The following COX10 variants were observed in gnomAD, a reference collection of about 807,000 sequenced individuals.
COX10 encodes cytochrome c oxidase assembly factor heme A:farnesyltransferase COX10.
COX10 carries 27 observed loss-of-function variants against 37.3 expected under a neutral mutation model. The observed-to-expected ratio is 0.72, with a 90% CI of 0.53 to 1.00. The LOEUF (loss-of-function observed/expected upper bound fraction) is 1.00. Ranked by LOEUF, COX10 falls within the 50% of genes least tolerant of loss-of-function variation. The pLI is 0.00. For synonymous variants in COX10, 222 were observed against 229.1 expected, an observed-to-expected ratio of 0.97 and a Z score of 0.28; for missense variants, 475 against 563.2, an observed-to-expected ratio of 0.84 and a Z score of 1.59.
chr17:14,174,304 T>C (rs1233542695), intron 5 of COX10, among the ~76,000 whole-genome samples: 3 of 151,740 alleles, frequency 2.0e-5, no homozygotes, highest in Non-Finnish European at 1.5e-5. Context: ...TACAAAATTT[T>C]TTTAAAAAAT....
In COX10 at chr17:14,102,200, T is replaced by G. The variant is rs751425716; in HGVS notation, c.582T>G (p.Val194=). Residue 194 remains valine (V), a synonymous_variant, in exon 4 of 7, where the codon GTT becomes GTG. Transcript: ENST00000261643. ...FDWPCFLLTS[V]GTGLASCAAN... Reference sequence around the variant, plus strand: ...GGCCCTGTTTCCTGCTTACTTCTGTTGGGACAGGCCTTGCATCCTGTGCTG... The same window carrying G: ...GGCCCTGTTTCCTGCTTACTTCTGTGGGGACAGGCCTTGCATCCTGTGCTG... The G allele has an allele frequency of 1.2e-6, 2 of 1,613,788 alleles. No individual in the cohort carries two copies. The highest frequency in any genetic ancestry group is 2.2e-5 in the South Asian group (2 of 91,080).
intron 3 of COX10, among the ~76,000 whole-genome samples, chr17:14,081,266 ATAG>A (rs1418147351): frequency 1.8e-4 from 27 of 152,334 alleles, no homozygotes; most frequent in African/African-American, 6.5e-4. Flanking sequence ...TGGCAGACAA[ATAG>A]TGGTGGTCAA....
At chr17:14,136,953 AT>A (rs1001803487) in intron 4 of COX10, among the ~76,000 whole-genome samples, 4 of 151,896 alleles carry the variant, frequency 2.6e-5, no homozygotes, top group African/African-American at 7.3e-5. Flanking sequence ...TGTCCTAACA[AT>A]TTTTTTGTGT....
intron 4 of COX10, among the ~76,000 whole-genome samples, chr17:14,143,262 T>C (rs1212973926): frequency 6.6e-6 from 1 of 152,234 alleles, no homozygotes; most frequent in East Asian, 1.9e-4. Context: ...TATTTATTAT[T>C]ATTTTAATAG....
intron 3 of COX10, among the ~76,000 whole-genome samples, chr17:14,085,628 A>T (rs897187651): frequency 6.6e-6 from 1 of 152,070 alleles, no homozygotes; most frequent in African/African-American, 2.4e-5. Flanking sequence ...ACCATAATTT[A>T]TTTATTTCTC....
intron 3 of COX10, among the ~76,000 whole-genome samples, chr17:14,082,123 T>C (rs1915309306): frequency 6.6e-6 from 1 of 152,198 alleles, no homozygotes; most frequent in Non-Finnish European, 1.5e-5. Context: ...GATCAGTGTG[T>C]ACAGTGACCA....
intron 4 of COX10, among the ~76,000 whole-genome samples, chr17:14,125,503 A>G (rs1916323487): frequency 6.6e-6 from 1 of 152,208 alleles, no homozygotes; most frequent in Non-Finnish European, 1.5e-5. Flanking sequence ...ATTCAGAGCC[A>G]GACGATGAAA....
chr17:14,163,739 G>T (rs1905218378), intron 5 of COX10, among the ~76,000 whole-genome samples: 1 of 152,186 alleles, frequency 6.6e-6, no homozygotes, highest in African/African-American at 2.4e-5. Context: ...GATTGTGAAA[G>T]TCGGCCTGCT....
intron 5 of COX10, among the ~76,000 whole-genome samples, chr17:14,176,160 C>T (rs1397423989): frequency 6.6e-6 from 1 of 151,858 alleles, no homozygotes; most frequent in Admixed American, 6.6e-5. Flanking sequence ...TGCTGTTACT[C>T]AGCTCAAAAT....
intron 4 of COX10, among the ~76,000 whole-genome samples, chr17:14,117,984 C>G (rs1332823511): frequency 1.3e-5 from 2 of 152,026 alleles, no homozygotes; most frequent in African/African-American, 4.8e-5. Flanking sequence ...GTCAGGCCGC[C>G]CACCTAGCTG....
At chr17:14,110,055 A>C (rs1915978235) in intron 4 of COX10, among the ~76,000 whole-genome samples, 1 of 152,128 alleles carries the variant, frequency 6.6e-6, no homozygotes, top group African/African-American at 2.4e-5. Flanking sequence ...TGAATTTATA[A>C]CTTAGCTTTA....
chr17:14,070,923 G>A lies in COX10; in HGVS notation c.43+1275G>A, dbSNP rs752862632. On this transcript the variant is annotated intron_variant, in intron 1 of 6. Transcript: ENST00000261643. ...TGGAGAGGTAGAATAGATTGGCTAG[G>A]GTCTGGTAATTGTTGAAGCTTGGGG... Among the ~76,000 whole-genome samples the A allele has an allele frequency of 3.9e-5, 6 of 152,282 alleles. No individual in the cohort carries two copies. The South Asian group carries it at 1.2e-3, about 32-fold the overall frequency.
At chr17:14,147,008 G>A (rs899562656) in intron 4 of COX10, among the ~76,000 whole-genome samples, 1 of 152,132 alleles carries the variant, frequency 6.6e-6, no homozygotes, top group Admixed American at 6.6e-5. Flanking sequence ...TGCTGGCAAG[G>A]ATGTGGAGAA....
At chr17:14,088,126 A>G (rs1178196239) in intron 3 of COX10, among the ~76,000 whole-genome samples, 1 of 152,114 alleles carries the variant, frequency 6.6e-6, no homozygotes, top group East Asian at 1.9e-4. Context: ...AATAATGAGT[A>G]TGGTTAGAAT....
intron 4 of COX10, among the ~76,000 whole-genome samples, chr17:14,150,183 G>C (rs1244471225): frequency 2.0e-5 from 3 of 151,982 alleles, no homozygotes; most frequent in South Asian, 4.1e-4. Flanking sequence ...TGAGGTAGGA[G>C]GATCCCTTGA....
rs114087222 is a variant in COX10, at chr17:14,197,978, T to G, written c.928+5757T>G. ...TTTTCCTCTCACCTGCCTAATTACCTTATCTTAATTTTTTTTTAATTCAGC... is the reference window on the plus strand; with the variant it reads ...TTTTCCTCTCACCTGCCTAATTACCGTATCTTAATTTTTTTTTAATTCAGC... On this transcript the variant is annotated intron_variant, in intron 6 of 6. Coordinates refer to ENST00000261643, the MANE Select transcript of COX10 (RefSeq NM_001303.4). 8.3e-3 allele frequency among the ~76,000 whole-genome samples: 1,262 copies of G among 152,330 alleles called. 17 individuals are homozygous for G. Among genetic ancestry groups the G allele is most frequent in the African/African-American group, 0.029 (1,186 of 41,554 alleles).
intron 4 of COX10, among the ~76,000 whole-genome samples, chr17:14,112,321 A>G (rs989897158): frequency 6.6e-6 from 1 of 152,166 alleles, no homozygotes; most frequent in Non-Finnish European, 1.5e-5. Context: ...ATGTTGGGGA[A>G]GGCAGTTGAA....
At chr17:14,179,623 G>A (rs560272842) in intron 5 of COX10, among the ~76,000 whole-genome samples, 1 of 152,354 alleles carries the variant, frequency 6.6e-6, no homozygotes, top group African/African-American at 2.4e-5. Flanking sequence ...GAAGGACAGA[G>A]TGGACAGTGA....
chr17:14,094,043 AGCAAAACCCT>A (rs1915587776), intron 3 of COX10, among the ~76,000 whole-genome samples: 1 of 152,176 alleles, frequency 6.6e-6, no homozygotes, highest in African/African-American at 2.4e-5. Context: ...TGGGTGACAG[AGCAAAACCCT>A]GCCTCTGAAA....
Sources: allele counts gnomAD v4.1 joint callset (sites outside exome capture counted in the v4.1 genomes callset), GRCh38; gene constraint gnomAD v4.1.1; transcripts MANE v1.5; gene names NCBI Gene and HGNC (gene_info 2026-07-23, HGNC 2026-07-21).